The following FAAH2 variants were observed in gnomAD, a reference collection of about 807,000 sequenced individuals.
The protein encoded by FAAH2 is fatty-acid amide hydrolase 2.
In FAAH2, 60 loss-of-function variants were observed where a neutral mutation model predicts 36.9. The ratio of observed to expected loss-of-function variants is 1.63; its 90% CI spans 1.32 to 2.02. The LOEUF (loss-of-function observed/expected upper bound fraction) is 2.02. Among genes scored for constraint, FAAH2 ranks in the 30% most tolerant of loss-of-function variants. The probability of loss-of-function intolerance (pLI) is 0.00; values close to 1 mark genes in which losing one functional copy is unlikely to be tolerated. For synonymous variants in FAAH2, 214 were observed against 143.8 expected (o/e 1.49, Z -3.49); for missense variants, 689 against 397.5 (o/e 1.73, Z -6.23).
the FAAH2 span, among the ~76,000 whole-genome samples, chrX:57,261,552 C>CAAAAAAAAAAAAAAAAAAA: frequency 8.6e-5 from 2 of 23,383 alleles, no homozygotes; most frequent in African/African-American, 1.9e-4. Flanking sequence ...GACTCTGTCT[C>CAAAAAAAAAAAAAAAAAAA]AAAAAAAAAA....
the FAAH2 span, among the ~76,000 whole-genome samples, chrX:57,182,012 T>A: frequency 8.9e-6 from 1 of 111,958 alleles, no homozygotes; most frequent in Non-Finnish European, 1.9e-5. Context: ...GATGCTGGGA[T>A]AACTGGCTAT....
At chrX:57,160,419 C>T in the FAAH2 span, among the ~76,000 whole-genome samples, 459 of 111,973 alleles carry the variant, frequency 4.1e-3, 3 homozygotes, top group Middle Eastern at 0.06. Context: ...GGAATGGTAT[C>T]AGCTCCTCCT....
At chrX:57,125,967 A>G in the FAAH2 span, among the ~76,000 whole-genome samples, 1 of 112,253 alleles carries the variant, frequency 8.9e-6, no homozygotes, top group Non-Finnish European at 1.9e-5. Flanking sequence ...ATATTCATAC[A>G]TTGGAATATC....
chrX:57,158,895 C>T, the FAAH2 span, among the ~76,000 whole-genome samples: 5 of 111,988 alleles, frequency 4.5e-5, no homozygotes, highest in African/African-American at 6.5e-5. Flanking sequence ...TTGCTTTTGG[C>T]GTTTTAGACA....
At chrX:57,394,827 T>C in intron 7 of FAAH2, 1 of 1,101,783 alleles carries the variant, frequency 9.1e-7, no homozygotes, top group Non-Finnish European at 1.3e-6. Context: ...TTGGCAGTCT[T>C]GGAGTGGCAG....
chrX:57,414,006 CTGTT>C (rs755205612), intron 7 of FAAH2, among the ~76,000 whole-genome samples: 128 of 111,841 alleles, frequency 1.1e-3, no homozygotes, highest in Non-Finnish European at 1.2e-3. Context: ...ATTTGGCTCT[CTGTT>C]TGTCTGTTAT....
At chrX:57,411,467 G>C (rs1327313532) in intron 7 of FAAH2, among the ~76,000 whole-genome samples, 1 of 110,767 alleles carries the variant, frequency 9.0e-6, no homozygotes, top group Non-Finnish European at 1.9e-5. Context: ...GGGTCCTCAG[G>C]TAAGTCACCC....
chrX:57,240,239 C>T, the FAAH2 span, among the ~76,000 whole-genome samples: 62 of 111,231 alleles, frequency 5.6e-4, no homozygotes, highest in African/African-American at 2.0e-3. Flanking sequence ...GAAGGTTTGA[C>T]TGGTATAAGT....
At chrX:57,316,065 A>C (rs1477044743) in intron 3 of FAAH2, among the ~76,000 whole-genome samples, 1 of 111,599 alleles carries the variant, frequency 9.0e-6, no homozygotes, top group Non-Finnish European at 1.9e-5. Flanking sequence ...TCAGAATACA[A>C]AATCAATGTA....
the FAAH2 span, among the ~76,000 whole-genome samples, chrX:57,238,781 A>T: frequency 9.0e-6 from 1 of 111,152 alleles, no homozygotes; most frequent in Non-Finnish European, 1.9e-5. Flanking sequence ...CATTTTTTTA[A>T]TCCTCATCCT....
chrX:57,161,604 C>T, the FAAH2 span, among the ~76,000 whole-genome samples: 2 of 111,690 alleles, frequency 1.8e-5, no homozygotes, highest in Admixed American at 1.9e-4. Flanking sequence ...GATCCCTTTA[C>T]CGTTATGTAA....
Position 57,288,219 on chromosome X carries a change from C to A in FAAH2, c.192+1202C>A, listed in dbSNP as rs577843459. Among the ~76,000 whole-genome samples, 23 of 110,244 alleles carry A rather than the reference C, an allele frequency of 2.1e-4. No homozygotes were observed. In the South Asian group the frequency reaches 9.1e-3, roughly 44 times the overall value. ...AATAGCAGATAATACATATCAAGAA[C>A]CTGGCACATAGAAGATTGTGTAACA... On this transcript the variant is annotated intron_variant, in intron 1 of 10. Coordinates refer to ENST00000374900, the MANE Select transcript of FAAH2 (RefSeq NM_174912.4).
chrX:57,269,903 A>C, the FAAH2 span, among the ~76,000 whole-genome samples: 2 of 111,363 alleles, frequency 1.8e-5, no homozygotes, highest in African/African-American at 6.5e-5. Flanking sequence ...ATAAAGGCAC[A>C]AAAAAACATT....
the FAAH2 span, among the ~76,000 whole-genome samples, chrX:57,161,312 G>A: frequency 9.0e-6 from 1 of 111,670 alleles, no homozygotes; most frequent in Non-Finnish European, 1.9e-5. Flanking sequence ...AGTGTGATGT[G>A]GTGCTGAAAA....
chrX:57,327,840 C>T (rs1225936864), intron 3 of FAAH2, among the ~76,000 whole-genome samples: 2 of 111,852 alleles, frequency 1.8e-5, no homozygotes, highest in Non-Finnish European at 3.8e-5. Context: ...TCTCTGAACT[C>T]GTGAAAGTCA....
chrX:57,313,691 C>A (rs1202143517), intron 3 of FAAH2, among the ~76,000 whole-genome samples: 1 of 110,584 alleles, frequency 9.0e-6, no homozygotes, highest in African/African-American at 3.3e-5. Flanking sequence ...AAATTCTTCT[C>A]AGACAAGAAA....
At chrX:57,206,430 T>C in the FAAH2 span, among the ~76,000 whole-genome samples, 1 of 111,866 alleles carries the variant, frequency 8.9e-6, no homozygotes, top group Admixed American at 9.5e-5. Context: ...AGAAATCGAA[T>C]TTTGCAAGTG....
At chrX:57,182,656 T>A in the FAAH2 span, among the ~76,000 whole-genome samples, 1 of 111,514 alleles carries the variant, frequency 9.0e-6, no homozygotes, top group Admixed American at 9.6e-5. Flanking sequence ...CTCAAAGAGC[T>A]TAATATAGAC....
At chrX:57,479,474 C>T (rs1302272775) in intron 10 of FAAH2, among the ~76,000 whole-genome samples, 1 of 111,247 alleles carries the variant, frequency 9.0e-6, no homozygotes, top group Admixed American at 9.6e-5. Context: ...AATTGAATGC[C>T]CTTTTTTTCC....
Sources: allele counts gnomAD v4.1 joint callset (sites outside exome capture counted in the v4.1 genomes callset), GRCh38; gene constraint gnomAD v4.1.1; transcripts MANE v1.5; gene names NCBI Gene and HGNC (gene_info 2026-07-23, HGNC 2026-07-21).